The following SNX3 variants were observed in gnomAD, a reference collection of about 807,000 sequenced individuals.
SNX3 encodes sorting nexin-3.
SNX3 carries 5 observed loss-of-function variants against 17.7 expected under a neutral mutation model. The observed-to-expected ratio is 0.28, with a 90% CI of 0.15 to 0.59. The LOEUF is 0.59. Among genes scored for constraint, SNX3 ranks in the 20% least tolerant of loss-of-function variants. SNX3 has a pLI of 0.88. For missense variants in SNX3, 132 were observed against 206.8 expected (o/e 0.64, Z 2.22); for synonymous variants, 91 against 76.5 (o/e 1.19, Z -0.99).
At chr6:108,221,022 T>C (rs2114712792) in intron 2 of SNX3, among the ~76,000 whole-genome samples, 1 of 152,220 alleles carries the variant, frequency 6.6e-6, no homozygotes, top group South Asian at 2.1e-4. Context: ...TGCTGCCCAC[T>C]ATATACTGAA....
In SNX3 at chr6:108,241,741, CAG is replaced by C. The variant is rs373127872; in HGVS notation, c.163-18698_163-18697del. Among the ~76,000 whole-genome samples the C allele has an allele frequency of 5.4e-4, 83 of 152,298 alleles. 1 individual carries two copies. Among genetic ancestry groups the C allele is most frequent in the African/African-American group, 1.9e-3 (79 of 41,558 alleles). ...GGGAGGGGCAGGAGGCAATCTAACT[CAG>C]AGTCTCTACAACGTATTATCTAAAA... is the stretch of plus-strand genomic sequence containing the variant. On this transcript the variant is annotated intron_variant, in intron 1 of 3. Transcript: ENST00000230085.
intron 1 of SNX3, among the ~76,000 whole-genome samples, chr6:108,231,584 CATA>C (rs1775159876): frequency 6.6e-6 from 1 of 152,172 alleles, no homozygotes; most frequent in South Asian, 2.1e-4. Context: ...TCGGAAGGCA[CATA>C]ATGTCAGTTT....
At chr6:108,223,092 T>C in intron 1 of SNX3, 47 bp from the exon 2 acceptor site, 1 of 993,938 alleles carries the variant, frequency 1.0e-6, no homozygotes, top group Non-Finnish European at 1.5e-6. Context: ...TTAAGGAAAC[T>C]TCAAAAAAAT....
chr6:108,228,705 A>G (rs928487004), intron 1 of SNX3, among the ~76,000 whole-genome samples: 30 of 152,108 alleles, frequency 2.0e-4, no homozygotes, highest in Admixed American at 5.2e-4. Flanking sequence ...CTCAAAAAAA[A>G]GGGGGGCATT....
intron 2 of SNX3, among the ~76,000 whole-genome samples, chr6:108,221,013 G>T (rs1409463502): frequency 3.3e-5 from 5 of 151,880 alleles, no homozygotes; most frequent in African/African-American, 9.7e-5. Flanking sequence ...CAAATAACCT[G>T]CTGCCCACTA....
intron 1 of SNX3, among the ~76,000 whole-genome samples, chr6:108,242,518 C>A (rs901687822): frequency 6.6e-6 from 1 of 152,094 alleles, no homozygotes; most frequent in Non-Finnish European, 1.5e-5. Context: ...ATATTCAGAG[C>A]GCTCAAAGAA....
chr6:108,238,840 A>G (rs1775432918), intron 1 of SNX3, among the ~76,000 whole-genome samples: 1 of 152,054 alleles, frequency 6.6e-6, no homozygotes, highest in Non-Finnish European at 1.5e-5. Flanking sequence ...ATATGTAAGT[A>G]TAATTCAATA....
chr6:108,258,091 T>C (rs910967940), intron 1 of SNX3, among the ~76,000 whole-genome samples: 4 of 152,240 alleles, frequency 2.6e-5, no homozygotes, highest in Non-Finnish European at 5.9e-5. Context: ...CCCAGTGAGT[T>C]GGTTTATACA....
intron 1 of SNX3, among the ~76,000 whole-genome samples, chr6:108,237,154 T>C (rs901290789): frequency 6.6e-6 from 1 of 152,234 alleles, no homozygotes; most frequent in Non-Finnish European, 1.5e-5. Flanking sequence ...ATTTTCTGGC[T>C]ACTATATCTT....
intron 1 of SNX3, among the ~76,000 whole-genome samples, chr6:108,243,770 T>C (rs531032940): frequency 3.4e-4 from 52 of 152,172 alleles, no homozygotes; most frequent in Non-Finnish European, 6.5e-4. Context: ...CCGTCTCTAC[T>C]GCAAATACAA....
chr6:108,241,458 C>A (rs1241233712), intron 1 of SNX3, among the ~76,000 whole-genome samples: 2 of 152,038 alleles, frequency 1.3e-5, no homozygotes, highest in East Asian at 1.9e-4. Context: ...GAGTTCAAGA[C>A]CAACCTGGCC....
At chr6:108,249,140 A>T (rs954723151) in intron 1 of SNX3, among the ~76,000 whole-genome samples, 2 of 152,230 alleles carry the variant, frequency 1.3e-5, no homozygotes, top group East Asian at 3.8e-4. Context: ...TAAGAGGATC[A>T]CTTGAGCTCA....
At chr6:108,246,234 G>A (rs1009187364) in intron 1 of SNX3, among the ~76,000 whole-genome samples, 8 of 150,980 alleles carry the variant, frequency 5.3e-5, no homozygotes, top group African/African-American at 1.2e-4. Context: ...TAGGTTTGTC[G>A]AGGATCAGAT....
Position 108,255,048 on chromosome 6 carries a change from T to C in SNX3, c.162+5712A>G, listed in dbSNP as rs947037423. ...ATTTTATAGATAGAGCACAGTGCTT[T>C]GCACATAAAAGATACTCAAATGATA... On this transcript the variant is annotated intron_variant, in intron 1 of 3. Coordinates refer to ENST00000230085, the MANE Select transcript of SNX3 (RefSeq NM_003795.6). Among the ~76,000 whole-genome samples, 4 of 152,310 alleles carry C rather than the reference T, an allele frequency of 2.6e-5. No individual in the cohort carries two copies. In the South Asian group the frequency reaches 8.3e-4, roughly 32 times the overall value.
chr6:108,227,340 G>A (rs1020886484), intron 1 of SNX3, among the ~76,000 whole-genome samples: 8 of 152,142 alleles, frequency 5.3e-5, no homozygotes, highest in Admixed American at 1.3e-4. Flanking sequence ...AGTCCCCTAA[G>A]AATTTTCATA....
chr6:108,214,665 T>C, intron 2 of SNX3, 43 bp from the exon 3 acceptor site: 1 of 1,587,626 alleles, frequency 6.3e-7, no homozygotes, highest in Admixed American at 1.9e-5. Flanking sequence ...GATGACTGGG[T>C]TGTGAAAATT....
At chr6:108,248,627 A>C (rs1775761008) in intron 1 of SNX3, among the ~76,000 whole-genome samples, 1 of 152,266 alleles carries the variant, frequency 6.6e-6, no homozygotes. Context: ...AAAACGCTCT[A>C]AAACTGCAAT....
chr6:108,223,010 A>G lies in SNX3; in HGVS notation c.198T>C (p.Thr66=), dbSNP rs1239838177. Residue 66 remains threonine, a synonymous_variant, in exon 2 of 4, where the codon ACT becomes ACC. Coordinates refer to ENST00000230085, the MANE Select transcript of SNX3 (RefSeq NM_003795.6). The part of the protein sequence containing the change: ...NLPIFKLKES[T]VRRRYSDFEW... ...CAAAGTCACTGTATCTTCTTCTAACAGTAGATTCTTTCAGCTTGAAAATAG... is the reference window on the plus strand; with the variant it reads ...CAAAGTCACTGTATCTTCTTCTAACGGTAGATTCTTTCAGCTTGAAAATAG... The G allele has an allele frequency of 1.2e-6, 2 of 1,607,972 alleles. No homozygotes were observed. Among genetic ancestry groups the G allele is most frequent in the Admixed American group, 1.7e-5 (1 of 59,770 alleles).
intron 1 of SNX3, among the ~76,000 whole-genome samples, chr6:108,242,181 A>C (rs779461681): frequency 1.3e-5 from 2 of 152,092 alleles, no homozygotes; most frequent in Admixed American, 1.3e-4. Flanking sequence ...GAATGAACAG[A>C]GCATCAGGGA....
Sources: gnomAD v4.1 joint callset for allele counts (sites outside exome capture counted in the v4.1 genomes callset) on GRCh38, gnomAD v4.1.1 for gene constraint, MANE v1.5 for transcripts, NCBI Gene and HGNC (gene_info 2026-07-23, HGNC 2026-07-21) for gene names.